Variants in PIK3C3 observed in about 807,000 individuals in gnomAD.
PIK3C3 encodes PI3-kinase type 3.
Under a neutral mutation model 126.1 loss-of-function variants are expected in PIK3C3, and 95 were observed. The ratio of observed to expected loss-of-function variants is 0.75; its 90% CI spans 0.64 to 0.89. The LOEUF (loss-of-function observed/expected upper bound fraction) is 0.89. Ranked by LOEUF, PIK3C3 falls within the 40% of genes least tolerant of loss-of-function variation. The probability of loss-of-function intolerance (pLI) is 0.00; values close to 1 mark genes in which losing one functional copy is unlikely to be tolerated. For missense variants in PIK3C3, 829 were observed against 1,063.2 expected (o/e 0.78, Z 3.06); for synonymous variants, 374 against 360.0 (o/e 1.04, Z -0.44).
intron 3 of PIK3C3, among the ~76,000 whole-genome samples, chr18:41,968,805 AT>A (rs1013910001): frequency 3.3e-5 from 5 of 150,548 alleles, no homozygotes; most frequent in African/African-American, 1.2e-4. Context: ...TAAGGAGACA[AT>A]TTTTTTTTGT....
chr18:42,008,055 AGT>A (rs1172806248), intron 10 of PIK3C3, among the ~76,000 whole-genome samples: 1 of 152,142 alleles, frequency 6.6e-6, no homozygotes, highest in Non-Finnish European at 1.5e-5. Flanking sequence ...CATATCATAT[AGT>A]GTCTCATTTT....
At chr18:41,988,599 AACTT>A (rs537272945) in intron 5 of PIK3C3, among the ~76,000 whole-genome samples, 1 of 152,182 alleles carries the variant, frequency 6.6e-6, no homozygotes, top group Non-Finnish European at 1.5e-5. Flanking sequence ...CATAAGGCAC[AACTT>A]ACTTAATTTA....
intron 4 of PIK3C3, among the ~76,000 whole-genome samples, chr18:41,972,642 T>C (rs1980725630): frequency 6.6e-6 from 1 of 152,096 alleles, no homozygotes; most frequent in Non-Finnish European, 1.5e-5. Context: ...CAGCTTGCAT[T>C]AGTATTAACT....
chr18:41,958,752 T>C (rs1979925675), intron 2 of PIK3C3, among the ~76,000 whole-genome samples: 1 of 151,952 alleles, frequency 6.6e-6, no homozygotes, highest in Non-Finnish European at 1.5e-5. Context: ...TATGTAGATA[T>C]ACACACACAC....
rs191372730 is a variant in PIK3C3, at chr18:41,975,979, C to T, written c.531+5523C>T. On this transcript the variant is annotated intron_variant, in intron 4 of 24. Coordinates refer to ENST00000262039, the MANE Select transcript of PIK3C3 (RefSeq NM_002647.4). ...CCTCCCAAAGTGCTGGGATTGCAGG[C>T]GTGAGCCACCACGCCTGGCCAAAAG... 2.6e-3 allele frequency among the ~76,000 whole-genome samples: 401 copies of T among 152,242 alleles called. 2 individuals carry two copies. The highest frequency in any genetic ancestry group is 9.3e-3 in the African/African-American group (388 of 41,548).
chr18:41,992,657 A>G (rs769525854), intron 6 of PIK3C3, among the ~76,000 whole-genome samples: 1 of 152,164 alleles, frequency 6.6e-6, no homozygotes, highest in Non-Finnish European at 1.5e-5. Flanking sequence ...TACCAACAAA[A>G]TAGGATGGCT....
intron 21 of PIK3C3, chr18:42,050,625 A>G (rs1287587715): frequency 6.6e-6 from 1 of 152,198 alleles, no homozygotes; most frequent in Non-Finnish European, 1.5e-5. Context: ...CATCTCATAT[A>G]CTGAACCTAT....
At position 42,051,989 on chromosome 18, in the gene PIK3C3, A is replaced by G. The variant is rs796885926; in HGVS notation, c.2263+2384A>G. On this transcript the variant is annotated intron_variant, in intron 21 of 24. Transcript: ENST00000262039. Reference sequence around the variant, plus strand: ...TAAAGTATAATAATAATAATAAAATAAAAAATAAAATAAATAAAAAAGAAT... The same window carrying G: ...TAAAGTATAATAATAATAATAAAATGAAAAATAAAATAAATAAAAAAGAAT... Among the ~76,000 whole-genome samples, 266 of 151,704 alleles carry G rather than the reference A, an allele frequency of 1.8e-3. 2 individuals carry two copies. The highest frequency in any genetic ancestry group is 5.7e-3 in the African/African-American group (237 of 41,528).
rs1986313309 is a variant in PIK3C3 at position 42,083,274 on chromosome 18, TGCC to T, written c.*2138_*2140del. ...AGTCTGCATATTTCTTTATTATCAT[TGCC>T]ATGTGACTTCTTTGGTGACAAGTTC... On this transcript the variant is annotated 3_prime_UTR_variant, in exon 25 of 25. Coordinates refer to ENST00000262039, the MANE Select transcript of PIK3C3 (RefSeq NM_002647.4). 6.6e-6 allele frequency: 1 copy of T among 152,222 alleles called. No individual in the cohort carries two copies. Among genetic ancestry groups the T allele is most frequent in the African/African-American group, 2.4e-5 (1 of 41,456 alleles). The allele number at this position is 152,222 out of a possible 1,614,324, so 9.4% of individuals were successfully genotyped here.
chr18:41,961,828 TGTG>T (rs1980102790), intron 2 of PIK3C3, among the ~76,000 whole-genome samples: 1 of 152,060 alleles, frequency 6.6e-6, no homozygotes, highest in Non-Finnish European at 1.5e-5. Flanking sequence ...AAAAAAGAGC[TGTG>T]GTGTCATTAA....
At chr18:42,024,916 G>C (rs908122710) in intron 13 of PIK3C3, among the ~76,000 whole-genome samples, 125 of 151,266 alleles carry the variant, frequency 8.3e-4, no homozygotes, top group African/African-American at 2.8e-3. Flanking sequence ...CCATTCTTCT[G>C]CCTCAGCCTC....
rs531180298 is a variant in PIK3C3, at chr18:42,081,171, A to G, written c.*34A>G. On this transcript the variant is annotated 3_prime_UTR_variant, in exon 25 of 25. Transcript: ENST00000262039. ...TTGACCCATCAAGATGCTTGGCTCA[A>G]TAAGAAAACCACGTTAGGAGCAACC... 47 of 1,536,292 alleles carry G rather than the reference A, an allele frequency of 3.1e-5. No homozygotes were observed. The East Asian group carries it at 9.3e-4, about 30-fold the overall frequency.
At chr18:42,063,422 A>T (rs1985404375) in intron 22 of PIK3C3, among the ~76,000 whole-genome samples, 1 of 152,198 alleles carries the variant, frequency 6.6e-6, no homozygotes, top group African/African-American at 2.4e-5. Flanking sequence ...ATGGAATAAC[A>T]TCTGTGGTAT....
At chr18:41,987,439 T>C (rs1189065306) in intron 4 of PIK3C3, among the ~76,000 whole-genome samples, 2 of 152,002 alleles carry the variant, frequency 1.3e-5, no homozygotes, top group East Asian at 3.9e-4. Context: ...GTTAGATACA[T>C]TGAAAGATGG....
At chr18:41,962,763 ATCAT>A (rs1199401426) in intron 3 of PIK3C3, 131 bp downstream of exon 3, 2 of 680,694 alleles carry the variant, frequency 2.9e-6, no homozygotes, top group Non-Finnish European at 4.6e-6. Context: ...ATATGATTTG[ATCAT>A]TCCTTACACT....
intron 3 of PIK3C3, among the ~76,000 whole-genome samples, chr18:41,968,696 G>A (rs1398374018): frequency 1.3e-5 from 2 of 152,106 alleles, no homozygotes; most frequent in African/African-American, 4.8e-5. Context: ...AATGTTGAGT[G>A]AAAATCTTTA....
intron 18 of PIK3C3, among the ~76,000 whole-genome samples, chr18:42,040,412 T>C (rs12456573): frequency 1.3e-5 from 2 of 151,908 alleles, no homozygotes; most frequent in Non-Finnish European, 2.9e-5. Context: ...CTTAGTCTAT[T>C]AGTTTTCGTT....
intron 3 of PIK3C3, among the ~76,000 whole-genome samples, chr18:41,968,454 T>C (rs1229415916): frequency 6.6e-6 from 1 of 152,208 alleles, no homozygotes; most frequent in Admixed American, 6.5e-5. Context: ...ATGTTTAACA[T>C]GATAAATAAA....
intron 21 of PIK3C3, among the ~76,000 whole-genome samples, chr18:42,052,001 A>G: frequency 6.6e-6 from 1 of 151,832 alleles, no homozygotes; most frequent in South Asian, 2.1e-4. Flanking sequence ...AAAATAAAAT[A>G]AATAAAAAAG....
Sources: gnomAD v4.1 joint callset for allele counts (sites outside exome capture counted in the v4.1 genomes callset) on GRCh38, gnomAD v4.1.1 for gene constraint, MANE v1.5 for transcripts, NCBI Gene and HGNC (gene_info 2026-07-23, HGNC 2026-07-21) for gene names.